The following CBL variants were observed in gnomAD, a reference collection of about 807,000 sequenced individuals.
The protein encoded by CBL is E3 ubiquitin-protein ligase CBL.
CBL carries 45 observed loss-of-function variants against 96.9 expected under a neutral mutation model. The ratio of observed to expected loss-of-function variants is 0.46; its 90% CI spans 0.37 to 0.60. The LOEUF is 0.60. Among genes scored for constraint, CBL ranks in the 20% least tolerant of loss-of-function variants. The probability of loss-of-function intolerance (pLI) is 0.00; values close to 1 mark genes in which losing one functional copy is unlikely to be tolerated. For missense variants in CBL, 1,024 were observed against 1,143.5 expected (o/e 0.90, Z 1.51); for synonymous variants, 420 against 426.8 (o/e 0.98, Z 0.20).
chr11:119,221,748 CAG>C (rs974330543), intron 1 of CBL, among the ~76,000 whole-genome samples: 1 of 142,484 alleles, frequency 7.0e-6, no homozygotes, highest in Non-Finnish European at 1.5e-5. Context: ...GCCTGGGCAA[CAG>C]AGAGAGACTC....
rs759558934 is a variant in CBL, at chr11:119,285,417, G to A, written c.1792G>A (p.Val598Ile). The A allele has an allele frequency of 1.9e-6, 3 of 1,614,142 alleles. No homozygotes were observed. The Admixed American group carries it at 5.0e-5, about 27-fold the overall frequency. The change falls in exon 11 of 16, where the codon GTA (valine) becomes ATA (isoleucine). Residue 598 changes from valine to isoleucine, a missense_variant. Val to Ile is a conservative substitution (Grantham distance 29). This residue lies in a region of CBL where 695 missense variants were observed against 661.6 expected (regional missense o/e 1.05). Transcript: ENST00000264033. ...ATGGCTGCCCCGGCCAATCCCCAAA[G>A]TACCAGTATCTGCCCCAAGTTCCAG... ...DSWLPRPIPK[V>I]PVSAPSSSDP...
At chr11:119,293,529 C>T (rs1315225333) in intron 12 of CBL, among the ~76,000 whole-genome samples, 2 of 152,094 alleles carry the variant, frequency 1.3e-5, no homozygotes, top group African/African-American at 4.8e-5. Flanking sequence ...CTGCTTTCTG[C>T]TTGTTTTCTC....
intron 13 of CBL, 33 bp from the exon 14 acceptor site, chr11:119,297,351 A>G: frequency 1.3e-6 from 2 of 1,498,350 alleles, no homozygotes; most frequent in Non-Finnish European, 1.9e-6. Context: ...TTCTATTTCC[A>G]AAGATCATTA....
At chr11:119,254,195 G>A (rs1565865700) in intron 2 of CBL, among the ~76,000 whole-genome samples, 1 of 151,858 alleles carries the variant, frequency 6.6e-6, no homozygotes, top group Non-Finnish European at 1.5e-5. Flanking sequence ...AAAAAGAAAA[G>A]TCATGTTCAC....
rs148368481 is a variant in CBL at position 119,278,569 on chromosome 11, C to T, written c.1287C>T (p.Ile429=). Residue 429 remains isoleucine, a synonymous_variant, in exon 9 of 16, where the codon ATC becomes ATT. Transcript: ENST00000264033. ...CRCEIKGTEP[I]VVDPFDPRGS... is the part of the protein sequence containing the mutation. The stretch of plus-strand genomic sequence containing the variant: ...GTGAAATTAAAGGTACTGAACCCAT[C>T]GTGGTAGATCCGTTTGATCCTAGAG... The T allele has an allele frequency of 2.4e-4, 384 of 1,614,122 alleles. No individual in the cohort carries two copies. Among genetic ancestry groups the T allele is most frequent in the Non-Finnish European group, 2.8e-4 (335 of 1,180,012 alleles).
At chr11:119,229,170 A>T (rs1050781163) in intron 1 of CBL, among the ~76,000 whole-genome samples, 11 of 152,250 alleles carry the variant, frequency 7.2e-5, no homozygotes, top group Non-Finnish European at 1.6e-4. Context: ...CTACAATTTT[A>T]ATATTTTTGT....
Position 119,246,392 on chromosome 11 carries a change from C to CA in CBL, c.443+13700dup, listed in dbSNP as rs548351080. Among the ~76,000 whole-genome samples the CA allele has an allele frequency of 7.8e-4, 118 of 152,208 alleles. 1 individual carries two copies. The highest frequency in any genetic ancestry group is 2.6e-3 in the African/African-American group (107 of 41,520). ...TTTATGGAGAAAATTCAGCTACCCA[C>CA]AAATATGTAGTTGGAAAGGGGGAGG... On this transcript the variant is annotated intron_variant, in intron 2 of 15. Coordinates refer to ENST00000264033, the MANE Select transcript of CBL (RefSeq NM_005188.4).
chr11:119,250,291 G>A (rs1400565352), intron 2 of CBL, among the ~76,000 whole-genome samples: 2 of 152,134 alleles, frequency 1.3e-5, no homozygotes, highest in African/African-American at 4.8e-5. Context: ...CCTTGTGTGA[G>A]ATCTAGGGAT....
chr11:119,263,725 C>A (rs529718347), intron 2 of CBL, among the ~76,000 whole-genome samples: 1 of 152,258 alleles, frequency 6.6e-6, no homozygotes, highest in South Asian at 2.1e-4. Context: ...TCATTGACTT[C>A]CTGTGAGGCT....
Position 119,278,316 on chromosome 11 carries a change from A to AC in CBL, c.1227+20dup, listed in dbSNP as rs530081144. On this transcript the variant is annotated intron_variant, in intron 8 of 15. Coordinates refer to ENST00000264033, the MANE Select transcript of CBL (RefSeq NM_005188.4). The stretch of plus-strand genomic sequence containing the variant: ...CTGGCAGGTACGGATCTAAACAGCG[A>AC]CTTTTTTCAGCTATGTAATAACCTT... The AC allele has an allele frequency of 1.3e-3, 2,113 of 1,613,844 alleles. No individual in the cohort carries two copies. The highest frequency in any genetic ancestry group is 1.6e-3 in the Non-Finnish European group (1,877 of 1,179,752).
intron 11 of CBL, among the ~76,000 whole-genome samples, chr11:119,286,852 A>G (rs533917149): frequency 6.6e-6 from 1 of 152,340 alleles, no homozygotes; most frequent in African/African-American, 2.4e-5. Context: ...AATGGGAGGA[A>G]GATGGAATAT....
chr11:119,231,578 C>A (rs904243759), intron 1 of CBL, among the ~76,000 whole-genome samples: 2 of 151,846 alleles, frequency 1.3e-5, no homozygotes, highest in African/African-American at 4.8e-5. Context: ...CATGGTGGTG[C>A]ATGCCTATAA....
At chr11:119,282,924 C>G (rs967991545) in intron 9 of CBL, among the ~76,000 whole-genome samples, 1 of 151,924 alleles carries the variant, frequency 6.6e-6, no homozygotes, top group Non-Finnish European at 1.5e-5. Context: ...TCTACCCGTG[C>G]CTTCCCCGCG....
chr11:119,283,618 A>ATT (rs1369483190), intron 9 of CBL, among the ~76,000 whole-genome samples: 9 of 98,002 alleles, frequency 9.2e-5, no homozygotes, highest in Non-Finnish European at 1.7e-4. Context: ...ATCCTTTTTA[A>ATT]TTCTTTCTTT....
In CBL at chr11:119,306,312, G is replaced by A. The variant is rs1444425209; in HGVS notation, c.*6531G>A. 5.0e-6 allele frequency: 2 copies of A among 398,526 alleles called. No individual in the cohort carries two copies. Among genetic ancestry groups the A allele is most frequent in the Non-Finnish European group, 8.8e-6 (2 of 226,086 alleles). The allele number at this position is 398,526 out of a possible 1,614,324, so 24.7% of individuals were successfully genotyped here. A position where few individuals can be genotyped will look rare whatever the true frequency, so the allele number is the denominator to read the frequency against. ...GAGCAAAGCCCAAAAGCCAACCTCA[G>A]ATCTCCTGATTTGGCAGCTGAAGAA... On this transcript the variant is annotated 3_prime_UTR_variant, in exon 16 of 16. Coordinates refer to ENST00000264033, the MANE Select transcript of CBL (RefSeq NM_005188.4).
At chr11:119,278,039 A>C in intron 7 of CBL, 127 bp from the exon 8 acceptor site, 1 of 940,568 alleles carries the variant, frequency 1.1e-6, no homozygotes, top group South Asian at 1.6e-5. Context: ...ATAAAAAATA[A>C]ACCACTGTTG....
At position 119,297,443 on chromosome 11, in the gene CBL, A is replaced by G. The variant is rs770212268; in HGVS notation, c.2213A>G (p.Gln738Arg). ...SCTYEAMYNI[Q>R]SQAPSITESS... ...ACGTATGAAGCAATGTATAATATTCAGTCCCAGGCGCCATCTATCACCGAG... is the reference window on the plus strand; with the variant it reads ...ACGTATGAAGCAATGTATAATATTCGGTCCCAGGCGCCATCTATCACCGAG... The change falls in exon 14 of 16, where the codon CAG (glutamine) becomes CGG (arginine). Residue 738 changes from glutamine (Q) to arginine (R), a missense_variant. By Grantham distance (43) the Gln-to-Arg change is conservative (BLOSUM62 1). Around this residue, in one of 4 missense-constraint regions of CBL, gnomAD observed 695 missense variants for 661.6 expected, o/e 1.05. Transcript: ENST00000264033. The G allele has an allele frequency of 6.2e-7, 1 of 1,613,786 alleles. No individual in the cohort carries two copies. Among genetic ancestry groups the G allele is most frequent in the Admixed American group, 1.7e-5 (1 of 60,026 alleles).
intron 9 of CBL, among the ~76,000 whole-genome samples, chr11:119,283,493 C>G (rs998301542): frequency 1.8e-4 from 28 of 151,786 alleles, no homozygotes; most frequent in African/African-American, 6.3e-4. Flanking sequence ...CTTTGACAAG[C>G]TTATCAGCTA....
intron 1 of CBL, among the ~76,000 whole-genome samples, chr11:119,229,821 G>T (rs916707944): frequency 2.6e-5 from 4 of 151,566 alleles, no homozygotes; most frequent in Non-Finnish European, 4.4e-5. Context: ...TCCACCTCCT[G>T]GGTTCAAGTG....
Sources: gnomAD v4.1 joint callset for allele counts (sites outside exome capture counted in the v4.1 genomes callset) on GRCh38, gnomAD v4.1.1 for gene constraint, gnomAD v4.1.1 regional missense constraint, MANE v1.5 for transcripts, NCBI Gene and HGNC (gene_info 2026-07-23, HGNC 2026-07-21) for gene names.